The following HPSE2 variants were observed in gnomAD, a reference collection of about 807,000 sequenced individuals.
HPSE2 encodes heparanase 2 (inactive), also known as inactive heparanase-2.
In HPSE2, 38 loss-of-function variants were observed where a neutral mutation model predicts 60.5. The observed-to-expected ratio is 0.63, with a 90% CI of 0.48 to 0.82. The LOEUF is 0.82. HPSE2 is among the 40% of genes least tolerant of loss of function. The probability of loss-of-function intolerance (pLI) is 0.00; values close to 1 mark genes in which losing one functional copy is unlikely to be tolerated. For synonymous variants in HPSE2, 295 were observed against 293.2 expected, an observed-to-expected ratio of 1.01 and a Z score of -0.06; for missense variants, 713 against 740.4, an observed-to-expected ratio of 0.96 and a Z score of 0.43.
At chr10:98,495,619 A>G (rs2133694545) in intron 9 of HPSE2, among the ~76,000 whole-genome samples, 1 of 151,748 alleles carries the variant, frequency 6.6e-6, no homozygotes, top group African/African-American at 2.4e-5. Context: ...CTGTCTTTGA[A>G]TTTGCTGATT....
rs148897222 is a variant in HPSE2 at position 98,551,267 on chromosome 10, A to G, written c.1321-61071T>C. Among the ~76,000 whole-genome samples, 3 of 152,282 alleles carry G rather than the reference A, an allele frequency of 2.0e-5. No homozygotes were observed. The East Asian group carries it at 5.8e-4, about 29-fold the overall frequency. ...GCATGTTTTGGAAGATCATACTGAC[A>G]GCGCTGCAGAAAAAGGAGATTAGAG... On this transcript the variant is annotated intron_variant, in intron 9 of 11. Coordinates refer to ENST00000370552, the MANE Select transcript of HPSE2 (RefSeq NM_021828.5).
chr10:99,286,558 T>A, the HPSE2 span, among the ~76,000 whole-genome samples: 1 of 152,266 alleles, frequency 6.6e-6, no homozygotes, highest in Admixed American at 6.5e-5. Context: ...GGGTTAGTGC[T>A]TAATAGGTAA....
At chr10:98,949,013 A>G (rs1955271994) in intron 3 of HPSE2, among the ~76,000 whole-genome samples, 1 of 152,102 alleles carries the variant, frequency 6.6e-6, no homozygotes, top group Non-Finnish European at 1.5e-5. Flanking sequence ...GTTTTGGGGA[A>G]GTCAAAAGTT....
chr10:98,524,924 T>A lies in HPSE2; in HGVS notation c.1321-34728A>T, dbSNP rs535847694. Among the ~76,000 whole-genome samples, 10 of 152,352 alleles carry A rather than the reference T, an allele frequency of 6.6e-5. No individual in the cohort carries two copies. In the South Asian group the frequency reaches 1.9e-3, roughly 28 times the overall value. ...TTTAACTTTTCTTTACGTAGAACAATGTTAAATAGCACATTAAAAATACCA... is the reference window on the plus strand; with the variant it reads ...TTTAACTTTTCTTTACGTAGAACAAAGTTAAATAGCACATTAAAAATACCA... On this transcript the variant is annotated intron_variant, in intron 9 of 11. Transcript: ENST00000370552.
At chr10:98,895,032 A>G (rs1953444456) in intron 3 of HPSE2, among the ~76,000 whole-genome samples, 1 of 152,136 alleles carries the variant, frequency 6.6e-6, no homozygotes, top group Non-Finnish European at 1.5e-5. Context: ...ATACAAACCA[A>G]AACGATTTTT....
intron 3 of HPSE2, among the ~76,000 whole-genome samples, chr10:98,829,829 T>C (rs1356502049): frequency 6.6e-6 from 1 of 152,216 alleles, no homozygotes; most frequent in African/African-American, 2.4e-5. Flanking sequence ...CTAATACCAC[T>C]GGGGATTTTT....
chr10:99,275,522 T>C, the HPSE2 span, among the ~76,000 whole-genome samples: 1 of 152,086 alleles, frequency 6.6e-6, no homozygotes, highest in East Asian at 1.9e-4. Context: ...CTGGAACATG[T>C]TATGGTCACC....
chr10:99,097,103 A>G (rs184561223), intron 3 of HPSE2, among the ~76,000 whole-genome samples: 1 of 152,340 alleles, frequency 6.6e-6, no homozygotes, highest in Non-Finnish European at 1.5e-5. Flanking sequence ...CAGCCAGTAT[A>G]TACCCAAGGA....
At chr10:98,960,730 T>TTTTTTTTTTTTTTTTTTTTTTTTG (rs1955647062) in intron 3 of HPSE2, among the ~76,000 whole-genome samples, 3 of 24,794 alleles carry the variant, frequency 1.2e-4, no homozygotes, top group East Asian at 7.4e-4. Flanking sequence ...TGTTTTATTT[T>TTTTTTTTTTTTTTTTTTTTTTTTG]TTTTATTTTA....
the HPSE2 span, among the ~76,000 whole-genome samples, chr10:99,273,916 A>C: frequency 6.6e-6 from 1 of 152,240 alleles, no homozygotes; most frequent in Non-Finnish European, 1.5e-5. Flanking sequence ...CTCTGCTGCC[A>C]GGGACATAAT....
At chr10:99,118,052 A>C (rs1844779294) in intron 3 of HPSE2, among the ~76,000 whole-genome samples, 1 of 152,224 alleles carries the variant, frequency 6.6e-6, no homozygotes, top group African/African-American at 2.4e-5. Context: ...CAATCAAGTA[A>C]GCTTTATTTC....
chr10:98,470,102 G>GGTGTGTGTGTGTGTGTGTGTGT (rs55762346), intron 11 of HPSE2, among the ~76,000 whole-genome samples: 158 of 150,374 alleles, frequency 1.1e-3, no homozygotes, highest in African/African-American at 3.6e-3. Context: ...TAGGAAGGCA[G>GGTGTGTGTGTGTGTGTGTGTGT]GTGTGTGTGT....
At chr10:99,017,469 T>C (rs1345857030) in intron 3 of HPSE2, among the ~76,000 whole-genome samples, 1 of 152,188 alleles carries the variant, frequency 6.6e-6, no homozygotes, top group Non-Finnish European at 1.5e-5. Flanking sequence ...TCATCAAGGA[T>C]ATTGCCCTTA....
chr10:98,635,784 GAAA>G (rs71009705), intron 7 of HPSE2, among the ~76,000 whole-genome samples: 13 of 129,778 alleles, frequency 1.0e-4, no homozygotes, highest in East Asian at 4.4e-4. Context: ...CCCATCTCAT[GAAA>G]AAAAAAAAAA....
At chr10:98,959,358 GA>G (rs540992148) in intron 3 of HPSE2, among the ~76,000 whole-genome samples, 418 of 77,460 alleles carry the variant, frequency 5.4e-3, no homozygotes, top group East Asian at 9.2e-3. Flanking sequence ...ACTATCTCTG[GA>G]AAAAAAAAAA....
chr10:98,939,432 C>T (rs1222097221), intron 3 of HPSE2, among the ~76,000 whole-genome samples: 1 of 143,066 alleles, frequency 7.0e-6, no homozygotes, highest in African/African-American at 2.9e-5. Flanking sequence ...GGGTTGCAAT[C>T]CTAGTCTCTC....
At position 98,809,904 on chromosome 10, in the gene HPSE2, G is replaced by T. The variant is rs183134814; in HGVS notation, c.611-65848C>A. ...CTGCCTTCTGTTACTTTCTGAAAAG[G>T]TTTTACTTAATTCTTTGATCTTTCC... On this transcript the variant is annotated intron_variant, in intron 3 of 11. Coordinates refer to ENST00000370552, the MANE Select transcript of HPSE2 (RefSeq NM_021828.5). 2.4e-3 allele frequency among the ~76,000 whole-genome samples: 359 copies of T among 152,184 alleles called. 2 individuals are homozygous for T. The highest frequency in any genetic ancestry group is 4.0e-3 in the Non-Finnish European group (270 of 67,964).
rs1322315147 is a variant in HPSE2 at position 98,700,905 on chromosome 10, G to T, written c.957-6958C>A. On this transcript the variant is annotated intron_variant, in intron 5 of 11. Coordinates refer to ENST00000370552, the MANE Select transcript of HPSE2 (RefSeq NM_021828.5). ...CATGAAAAAATGCTCACCATCACTG[G>T]CCATCAGAGAAATGCAAATCAAAAC... 4.6e-5 allele frequency among the ~76,000 whole-genome samples: 3 copies of T among 65,664 alleles called. 1 individual carries two copies. The highest frequency in any genetic ancestry group is 1.0e-4 in the African/African-American group (3 of 29,908). 43.1% of individuals were successfully genotyped at this position (65,664 alleles called of 152,430 possible).
chr10:99,185,145 CA>C (rs948832400), intron 2 of HPSE2, among the ~76,000 whole-genome samples: 2 of 149,818 alleles, frequency 1.3e-5, no homozygotes, highest in African/African-American at 2.5e-5. Flanking sequence ...ACTAAATATA[CA>C]AAAAAAAATT....
Sources: gnomAD v4.1 joint callset for allele counts (sites outside exome capture counted in the v4.1 genomes callset) on GRCh38, gnomAD v4.1.1 for gene constraint, MANE v1.5 for transcripts, NCBI Gene and HGNC (gene_info 2026-07-23, HGNC 2026-07-21) for gene names.